ZSCAN25: variants seen among roughly 807,000 people sequenced by gnomAD.
ZSCAN25 encodes zinc finger and SCAN domain-containing protein 25.
A neutral mutation model predicts 38.7 loss-of-function variants in ZSCAN25; 27 were observed. The observed-to-expected ratio is 0.70, with a 90% CI of 0.51 to 0.96. The LOEUF is 0.96. Among genes scored for constraint, ZSCAN25 ranks in the 40% least tolerant of loss-of-function variants. ZSCAN25 has a pLI of 0.00. For synonymous variants in ZSCAN25, 273 were observed against 277.7 expected (o/e 0.98, Z 0.17); for missense variants, 637 against 705.9 (o/e 0.90, Z 1.11).
rs1437551568 is a variant in ZSCAN25, at chr7:99,631,899, T to C, written c.*1879T>C. The C allele has an allele frequency of 6.1e-6, 6 of 985,364 alleles. No individual in the cohort carries two copies. Among genetic ancestry groups the C allele is most frequent in the East Asian group, 1.1e-4 (1 of 8,830 alleles). 61.0% of individuals were successfully genotyped at this position (985,364 alleles called of 1,614,324 possible). ...GTCCACATGCAAAATCAGCTTTTTT[T>C]CCCCCGTAATTATCAGAGCAGCTAG... On this transcript the variant is annotated 3_prime_UTR_variant, in exon 8 of 8. Coordinates refer to ENST00000394152, the MANE Select transcript of ZSCAN25 (RefSeq NM_145115.3).
the ZSCAN25 span, among the ~76,000 whole-genome samples, chr7:99,702,093 T>TA: frequency 1.3e-5 from 2 of 149,250 alleles, no homozygotes; most frequent in African/African-American, 4.9e-5. Context: ...ATTTCAGTCT[T>TA]TTTTTTTTTT....
the ZSCAN25 span, chr7:99,666,488 C>T: frequency 8.4e-7 from 1 of 1,184,206 alleles, no homozygotes; most frequent in Non-Finnish European, 1.2e-6. Context: ...TGCAGCGCTG[C>T]CCTGCTTTTG....
chr7:99,665,755 A>G, the ZSCAN25 span, among the ~76,000 whole-genome samples: 1 of 152,310 alleles, frequency 6.6e-6, no homozygotes, highest in South Asian at 2.1e-4. Context: ...CCTCTTCAAC[A>G]CTTTACAAAA....
intron 4 of ZSCAN25, 48 bp downstream of exon 4, chr7:99,620,041 A>T (rs1375076221): frequency 1.3e-6 from 2 of 1,529,674 alleles, no homozygotes; most frequent in African/African-American, 2.8e-5. Context: ...GTGGGCAGGG[A>T]ATGTTAAAGA....
chr7:99,699,060 G>A, the ZSCAN25 span, among the ~76,000 whole-genome samples: 56 of 152,264 alleles, frequency 3.7e-4, no homozygotes, highest in African/African-American at 1.2e-3. Context: ...TAGGATGCCA[G>A]GAATCCCACC....
the ZSCAN25 span, among the ~76,000 whole-genome samples, chr7:99,665,696 C>G: frequency 1.3e-5 from 2 of 152,242 alleles, no homozygotes; most frequent in Non-Finnish European, 2.9e-5. Flanking sequence ...CTAGTGGATT[C>G]AAGAAAGGTG....
the ZSCAN25 span, chr7:99,665,158 C>A: frequency 1.1e-5 from 18 of 1,598,654 alleles, no homozygotes; most frequent in Non-Finnish European, 1.5e-5. Context: ...AAATAATAGC[C>A]CACATACTTA....
At chr7:99,643,498 G>A in the ZSCAN25 span, among the ~76,000 whole-genome samples, 1 of 151,320 alleles carries the variant, frequency 6.6e-6, no homozygotes, top group African/African-American at 2.4e-5. Context: ...TACAGCAAAT[G>A]CATATTGAAC....
chr7:99,728,779 C>T, the ZSCAN25 span, among the ~76,000 whole-genome samples: 1 of 152,158 alleles, frequency 6.6e-6, no homozygotes, highest in Non-Finnish European at 1.5e-5. Context: ...TTTCTGCTTC[C>T]ACTATTGCCC....
the ZSCAN25 span, among the ~76,000 whole-genome samples, chr7:99,640,338 A>T: frequency 6.6e-6 from 1 of 152,128 alleles, no homozygotes; most frequent in African/African-American, 2.4e-5. Context: ...TGGTATTTTT[A>T]GTAGAGACGG....
At chr7:99,696,789 T>C in the ZSCAN25 span, among the ~76,000 whole-genome samples, 4 of 152,192 alleles carry the variant, frequency 2.6e-5, no homozygotes, top group African/African-American at 9.7e-5. Context: ...TGGGGCCTGA[T>C]GGAAGGCGAT....
chr7:99,712,635 T>C, the ZSCAN25 span, among the ~76,000 whole-genome samples: 2 of 152,144 alleles, frequency 1.3e-5, no homozygotes, highest in Non-Finnish European at 2.9e-5. Flanking sequence ...GATAAATAGA[T>C]GATTGATGGA....
the ZSCAN25 span, among the ~76,000 whole-genome samples, chr7:99,685,839 CTT>C: frequency 6.6e-6 from 1 of 152,240 alleles, no homozygotes; most frequent in Non-Finnish European, 1.5e-5. Context: ...TTTCTCCAGA[CTT>C]TGGTGGCCCA....
At position 99,624,078 on chromosome 7, in the gene ZSCAN25, A is replaced by T. The variant is rs771168000; in HGVS notation, c.703A>T (p.Met235Leu). The T allele has an allele frequency of 5.0e-6, 8 of 1,614,058 alleles. No individual in the cohort carries two copies. Among genetic ancestry groups the T allele is most frequent in the African/African-American group, 1.3e-5 (1 of 74,930 alleles). Reference sequence around the variant, plus strand: ...GCAGGGGTTGGGGCCATTTAAAGATATGGCCCTGGCCTTCCCTGAGGAGGA... The same window carrying T: ...GCAGGGGTTGGGGCCATTTAAAGATTTGGCCCTGGCCTTCCCTGAGGAGGA... ...GSQGLGPFKD[M>L]ALAFPEEEWR... The change falls in exon 7 of 8, where the codon ATG becomes TTG. Residue 235 changes from methionine to leucine, a missense_variant. Met to Leu is a conservative substitution (Grantham distance 15). Transcript: ENST00000394152.
At chr7:99,698,229 G>A in the ZSCAN25 span, among the ~76,000 whole-genome samples, 1 of 152,198 alleles carries the variant, frequency 6.6e-6, no homozygotes, top group Non-Finnish European at 1.5e-5. Flanking sequence ...TAAGGCTAAG[G>A]CATTGTCTGC....
the ZSCAN25 span, among the ~76,000 whole-genome samples, chr7:99,692,688 G>T: frequency 2.0e-5 from 3 of 151,894 alleles, no homozygotes; most frequent in Non-Finnish European, 4.4e-5. Flanking sequence ...TGATCGAATC[G>T]GCTATTGAAG....
chr7:99,670,431 A>G, the ZSCAN25 span, among the ~76,000 whole-genome samples: 15 of 152,352 alleles, frequency 9.8e-5, no homozygotes, highest in Admixed American at 7.8e-4. Flanking sequence ...TCCTGTGAAC[A>G]GCCAAAAATA....
the ZSCAN25 span, among the ~76,000 whole-genome samples, chr7:99,725,583 C>T: frequency 1.3e-5 from 2 of 152,222 alleles, no homozygotes; most frequent in African/African-American, 4.8e-5. Context: ...GGCCCACAGC[C>T]TGGGATTCCT....
chr7:99,734,993 C>A, the ZSCAN25 span: 1 of 1,613,878 alleles, frequency 6.2e-7, no homozygotes, highest in Non-Finnish European at 8.5e-7. Context: ...TCCAAGGAAA[C>A]AGAGAAGAGG....
Sources: allele counts gnomAD v4.1 joint callset (sites outside exome capture counted in the v4.1 genomes callset), GRCh38; gene constraint gnomAD v4.1.1; transcripts MANE v1.5; gene names NCBI Gene and HGNC (gene_info 2026-07-23, HGNC 2026-07-21).